The following TMED4 variants were observed in gnomAD, a reference collection of about 807,000 sequenced individuals.
The protein encoded by TMED4 is transmembrane emp24 domain-containing protein 4.
TMED4 carries 19 observed loss-of-function variants against 26.5 expected under a neutral mutation model. The observed-to-expected ratio is 0.72, with a 90% confidence interval of 0.50 to 1.05. The LOEUF is 1.05. TMED4 is among the 50% of genes least tolerant of loss of function. The probability of loss-of-function intolerance (pLI) is 0.00; values close to 1 mark genes in which losing one functional copy is unlikely to be tolerated. For synonymous variants in TMED4, 121 were observed against 119.8 expected (o/e 1.01, Z -0.07); for missense variants, 303 against 302.5 (o/e 1.00, Z -0.01).
Position 44,582,185 on chromosome 7 carries a change from G to T in TMED4, c.22C>A (p.Pro8Thr). The change falls in exon 1 of 5, where the codon CCT (proline) becomes ACT (threonine). Residue 8 changes from proline to threonine, a missense_variant. Pro to Thr is a conservative substitution (Grantham distance 38). Coordinates refer to ENST00000457408, the MANE Select transcript of TMED4 (RefSeq NM_182547.4). ...GCCTGCCGCCCCATCGCCCGCAGAG[G>T]CCCAGCCCCGACACCTGCCATCGCG... The part of the protein sequence containing the change: MAGVGAG[P>T]LRAMGRQALL... The T allele has an allele frequency of 6.5e-7, 1 of 1,546,214 alleles. No homozygotes were observed. The highest frequency in any genetic ancestry group is 8.7e-7 in the Non-Finnish European group (1 of 1,146,104).
In TMED4 at chr7:44,582,135, G is replaced by A. The variant is rs1044410895; in HGVS notation, c.72C>T (p.Ala24=). 1.1e-5 allele frequency: 17 copies of A among 1,552,208 alleles called. No homozygotes were observed. The highest frequency in any genetic ancestry group is 1.4e-5 in the Non-Finnish European group (16 of 1,147,818). The change falls in exon 1 of 5, where the codon GCC becomes GCT. Residue 24 remains alanine, a synonymous_variant. Transcript: ENST00000457408. ...RQALLLLALC[A]TGAQGLYFHI... ...GGAAGTAGAGCCCCTGGGCGCCTGT[G>A]GCGCACAGCGCGAGAAGCAGCAGGG...
intron 4 of TMED4, chr7:44,580,833 G>A (rs1416765772): frequency 5.6e-6 from 2 of 358,340 alleles, no homozygotes; most frequent in Non-Finnish European, 1.0e-5. Flanking sequence ...TGTAATCCCA[G>A]CTACTCAGGA....
At chr7:44,580,846 C>G (rs1022656482) in intron 4 of TMED4, 1 of 396,112 alleles carries the variant, frequency 2.5e-6, no homozygotes, top group Non-Finnish European at 4.7e-6. Flanking sequence ...ACTCAGGAGG[C>G]TGAGGCAGGA....
At chr7:44,579,759 G>A (rs1025877198) in intron 4 of TMED4, 131 bp from the exon 5 acceptor site, 4 of 946,852 alleles carry the variant, frequency 4.2e-6, no homozygotes, top group East Asian at 5.1e-5. Flanking sequence ...TCCATTAGGA[G>A]TGCTATGGTC....
rs374845732 is a variant in TMED4 at position 44,581,834 on chromosome 7, G to C, written c.161-11C>G. Reference sequence around the variant, plus strand: ...GGGTACGATAGTTGCCTGCGGGGCAGACACATAGTCACGACCGGCCCTAGT... The same window carrying C: ...GGGTACGATAGTTGCCTGCGGGGCACACACATAGTCACGACCGGCCCTAGT... On this transcript the variant is annotated splice_polypyrimidine_tract_variant and intron_variant, in intron 1 of 4. Coordinates refer to ENST00000457408, the MANE Select transcript of TMED4 (RefSeq NM_182547.4). 96 of 1,613,546 alleles carry C rather than the reference G, an allele frequency of 5.9e-5. No homozygotes were observed. The highest frequency in any genetic ancestry group is 7.5e-5 in the Non-Finnish European group (89 of 1,179,666).
rs1802901898 is a variant in TMED4, at chr7:44,579,103, C to CCTGCT, written c.*371_*375dup. On this transcript the variant is annotated 3_prime_UTR_variant, in exon 5 of 5. Transcript: ENST00000457408. ...CTGACCAGCAGACAGTGAGGCAGGG[C>CCTGCT]CTGCTCTGTGGCACATGCCAGTCAC... is the stretch of plus-strand genomic sequence containing the variant. 5.5e-6 allele frequency: 1 copy of CCTGCT among 180,306 alleles called. No individual in the cohort carries two copies. Among genetic ancestry groups the CCTGCT allele is most frequent in the Non-Finnish European group, 1.2e-5 (1 of 84,898 alleles). The allele number at this position is 180,306 out of a possible 1,614,324, so 11.2% of individuals were successfully genotyped here.
At chr7:44,581,991 C>G (rs907319868) in intron 1 of TMED4, 56 bp downstream of exon 1, 38 of 1,521,338 alleles carry the variant, frequency 2.5e-5, no homozygotes, top group Non-Finnish European at 3.3e-5. Flanking sequence ...GAGGAGGGAG[C>G]GCCGCCGAGG....
intron 3 of TMED4, 54 bp downstream of exon 3, chr7:44,581,395 A>T: frequency 3.7e-6 from 6 of 1,612,290 alleles, no homozygotes; most frequent in Non-Finnish European, 5.1e-6. Flanking sequence ...ATAAATCAAA[A>T]TTTGGAAACA....
rs752288593 is a variant in TMED4 at position 44,582,038 on chromosome 7, C to G, written c.160+9G>C. On this transcript the variant is annotated intron_variant, in intron 1 of 4. Transcript: ENST00000457408. The stretch of plus-strand genomic sequence containing the variant: ...TACAAAGGGCCTCCCCACCCTCAGC[C>G]CGCCTGACCGATGACCATGGTCTCG... The G allele has an allele frequency of 9.7e-6, 15 of 1,553,416 alleles. 1 individual carries two copies. The South Asian group carries it at 1.7e-4, about 18-fold the overall frequency.
chr7:44,581,186 A>C lies in TMED4; in HGVS notation c.441T>G (p.Ile147Met). 1.9e-6 allele frequency: 3 copies of C among 1,614,132 alleles called. No homozygotes were observed. The highest frequency in any genetic ancestry group is 2.5e-6 in the Non-Finnish European group (3 of 1,180,026). The part of the protein sequence containing the change: ...VGEHANNYPE[I>M]AAKDKLTELQ... ...GCTCCGTCAGCTTATCTTTTGCAGC[A>C]ATCTCAGGGTAGTTGTTGGCATGCT... The change falls in exon 4 of 5, where the codon ATT becomes ATG. Residue 147 changes from isoleucine to methionine, a missense_variant. Transcript: ENST00000457408.
chr7:44,581,594 A>AG lies in TMED4; in HGVS notation c.262-21dup. Reference sequence around the variant, plus strand: ...CACCACCTGCAACATATGTGAGTGAAGGCCCCACCTTTATACCGCAGGCTC... The same window carrying AG: ...CACCACCTGCAACATATGTGAGTGAAGGGCCCCACCTTTATACCGCAGGCTC... On this transcript the variant is annotated intron_variant, in intron 2 of 4. Coordinates refer to ENST00000457408, the MANE Select transcript of TMED4 (RefSeq NM_182547.4). 6.2e-7 allele frequency: 1 copy of AG among 1,614,148 alleles called. No individual in the cohort carries two copies. The highest frequency in any genetic ancestry group is 8.5e-7 in the Non-Finnish European group (1 of 1,180,018).
intron 1 of TMED4, 97 bp from the exon 2 acceptor site, chr7:44,581,920 G>C: frequency 6.4e-7 from 1 of 1,563,170 alleles, no homozygotes; most frequent in Non-Finnish European, 8.7e-7. Flanking sequence ...CAGGGGGCCT[G>C]GCGTCCTCGG....
At position 44,579,551 on chromosome 7, in the gene TMED4, G is replaced by C. The variant is rs774976098; in HGVS notation, c.612C>G (p.Val204=). The part of the protein sequence containing the change: ...RVLWWSIAQT[V]ILILTGIWQM... ...GCCAGATGCCAGTGAGGATGAGGAT[G>C]ACAGTCTGAGCAATGGACCACCATA... The change falls in exon 5 of 5, where the codon GTC becomes GTG. Residue 204 remains valine (V), a synonymous_variant. Transcript: ENST00000457408. The C allele has an allele frequency of 8.1e-6, 13 of 1,614,054 alleles. No homozygotes were observed. In the East Asian group the frequency reaches 2.4e-4, roughly 30 times the overall value.
chr7:44,581,732 G>A lies in TMED4; in HGVS notation c.252C>T (p.Pro84=). The A allele has an allele frequency of 2.5e-6, 4 of 1,614,172 alleles. No individual in the cohort carries two copies. Among genetic ancestry groups the A allele is most frequent in the Non-Finnish European group, 3.4e-6 (4 of 1,180,016 alleles). ...GLGMHVEVKD[P]DGKVVLSRQY... ...CCAACGCCAGCCTTACCTTGCCGTC[G>A]GGGTCCTTCACTTCCACGTGCATGC... The change falls in exon 2 of 5, where the codon CCC becomes CCT. Residue 84 remains proline (P), a synonymous_variant. Coordinates refer to ENST00000457408, the MANE Select transcript of TMED4 (RefSeq NM_182547.4).
At chr7:44,581,052 G>A (rs752739167) in intron 4 of TMED4, 41 bp downstream of exon 4, 7 of 1,611,800 alleles carry the variant, frequency 4.3e-6, no homozygotes, top group Non-Finnish European at 5.9e-6. Context: ...TGGGTATAAA[G>A]GTCAACTGCC....
chr7:44,581,784 ACCT>A lies in TMED4; in HGVS notation c.197_199del (p.Glu66del), dbSNP rs764311729. 9 of 1,613,934 alleles carry A rather than the reference ACCT, an allele frequency of 5.6e-6. No individual in the cohort carries two copies. The highest frequency in any genetic ancestry group is 6.8e-6 in the Non-Finnish European group (8 of 1,180,020). ...CAGGCCAGGGGTCGAGGGCAGGAAG[ACCT>A]CCTTCTGCTTATCCCACATCTGGGT... is the stretch of plus-strand genomic sequence containing the variant. On this transcript the variant is annotated inframe_deletion, in exon 2 of 5. Coordinates refer to ENST00000457408, the MANE Select transcript of TMED4 (RefSeq NM_182547.4).
Position 44,581,428 on chromosome 7 carries a change from C to A in TMED4, c.387+21G>T, listed in dbSNP as rs372474080. On this transcript the variant is annotated intron_variant, in intron 3 of 4. Coordinates refer to ENST00000457408, the MANE Select transcript of TMED4 (RefSeq NM_182547.4). ...ACAAGTGAGAGATTCTAAGCTGAAG[C>A]CAAAGAGAAAATCCTCTTACCAGTT... The A allele has an allele frequency of 2.4e-5, 38 of 1,613,920 alleles. No individual in the cohort carries two copies. In the African/African-American group the frequency reaches 3.9e-4, roughly 16 times the overall value.
At chr7:44,581,692 G>C in intron 2 of TMED4, 31 bp downstream of exon 2, 1 of 1,614,002 alleles carries the variant, frequency 6.2e-7, no homozygotes, top group Non-Finnish European at 8.5e-7. Context: ...CTCCACTGAA[G>C]AACGGCTGCG....
At chr7:44,579,668 A>G (rs747604576) in intron 4 of TMED4, 40 bp from the exon 5 acceptor site, 5 of 1,592,428 alleles carry the variant, frequency 3.1e-6, no homozygotes, top group Non-Finnish European at 4.3e-6. Context: ...CAGGAGAAAC[A>G]GTCTGGCTGT....
Sources: allele counts gnomAD v4.1 joint callset, GRCh38; gene constraint gnomAD v4.1.1; transcripts MANE v1.5; gene names NCBI Gene and HGNC (gene_info 2026-07-23, HGNC 2026-07-21).